Variants in ZNF804B observed in about 807,000 individuals in gnomAD.
ZNF804B encodes the protein zinc finger 804B.
In ZNF804B, 80 loss-of-function variants were observed where a neutral mutation model predicts 101.4. The ratio of observed to expected loss-of-function variants is 0.79; its 90% CI spans 0.66 to 0.95. ZNF804B has a LOEUF of 0.95. Ranked by LOEUF, ZNF804B falls within the 40% of genes least tolerant of loss-of-function variation. The probability of loss-of-function intolerance (pLI) is 0.00; values close to 1 mark genes in which losing one functional copy is unlikely to be tolerated. For synonymous variants in ZNF804B, 622 were observed against 558.8 expected, an observed-to-expected ratio of 1.11 and a Z score of -1.59; for missense variants, 1,673 against 1,561.9, an observed-to-expected ratio of 1.07 and a Z score of -1.20.
At chr7:89,037,546 A>G (rs1788946797) in intron 1 of ZNF804B, among the ~76,000 whole-genome samples, 1 of 151,278 alleles carries the variant, frequency 6.6e-6, no homozygotes, top group African/African-American at 2.4e-5. Context: ...ATATGTTTAT[A>G]GTGCACAATG....
At chr7:89,259,359 T>A (rs1265000930) in intron 2 of ZNF804B, among the ~76,000 whole-genome samples, 1 of 152,270 alleles carries the variant, frequency 6.6e-6, no homozygotes, top group Non-Finnish European at 1.5e-5. Context: ...ATCTCTTTTA[T>A]GATTTCCTTG....
intron 1 of ZNF804B, among the ~76,000 whole-genome samples, chr7:89,054,685 A>T (rs1016022925): frequency 4.6e-5 from 7 of 152,040 alleles, no homozygotes; most frequent in African/African-American, 1.7e-4. Flanking sequence ...TTCAACTGAC[A>T]TATTTACAGC....
intron 1 of ZNF804B, among the ~76,000 whole-genome samples, chr7:89,177,790 C>T (rs115355828): frequency 0.033 from 4,984 of 152,032 alleles, 152 homozygotes; most frequent in South Asian, 0.083. Flanking sequence ...GCGTTGCTCA[C>T]GCCTGTAATC....
At chr7:89,024,652 A>G (rs1287062707) in intron 1 of ZNF804B, among the ~76,000 whole-genome samples, 3 of 94,024 alleles carry the variant, frequency 3.2e-5, no homozygotes, top group Non-Finnish European at 6.0e-5. Flanking sequence ...AGAGAAGAGT[A>G]TCATTCTTGA....
At chr7:89,154,637 C>T (rs986257228) in intron 1 of ZNF804B, among the ~76,000 whole-genome samples, 3 of 152,040 alleles carry the variant, frequency 2.0e-5, no homozygotes, top group Non-Finnish European at 4.4e-5. Flanking sequence ...CATGTTCTCA[C>T]TTATTTGTAG....
At chr7:88,797,525 G>C (rs890880956) in intron 1 of ZNF804B, among the ~76,000 whole-genome samples, 4 of 152,146 alleles carry the variant, frequency 2.6e-5, no homozygotes, top group African/African-American at 9.7e-5. Flanking sequence ...CCAATTTCCA[G>C]TCATGGATTA....
chr7:89,129,613 C>T (rs974878454), intron 1 of ZNF804B, among the ~76,000 whole-genome samples: 7 of 152,018 alleles, frequency 4.6e-5, no homozygotes, highest in Admixed American at 2.6e-4. Flanking sequence ...ATGCCAGGCA[C>T]TCTGCTAAGA....
intron 1 of ZNF804B, among the ~76,000 whole-genome samples, chr7:88,817,900 C>T (rs1411886690): frequency 1.3e-5 from 2 of 152,106 alleles, no homozygotes; most frequent in Non-Finnish European, 2.9e-5. Context: ...GGATATTGTC[C>T]TCCTCTTTAT....
At chr7:88,992,213 G>A (rs767468149) in intron 1 of ZNF804B, among the ~76,000 whole-genome samples, 5 of 152,092 alleles carry the variant, frequency 3.3e-5, no homozygotes, top group Non-Finnish European at 7.4e-5. Context: ...GGCAGATTAT[G>A]TTGCTTTAAA....
chr7:89,136,528 T>C (rs1466430820), intron 1 of ZNF804B, among the ~76,000 whole-genome samples: 1 of 152,110 alleles, frequency 6.6e-6, no homozygotes, highest in Non-Finnish European at 1.5e-5. Context: ...CCCTGCCACC[T>C]TTCCCCCAGC....
chr7:89,142,582 G>A (rs1790733195), intron 1 of ZNF804B, among the ~76,000 whole-genome samples: 1 of 151,870 alleles, frequency 6.6e-6, no homozygotes, highest in Non-Finnish European at 1.5e-5. Context: ...AATTCTTGGA[G>A]TAAATTTTCA....
intron 1 of ZNF804B, among the ~76,000 whole-genome samples, chr7:88,812,209 T>G (rs1381711821): frequency 6.6e-6 from 1 of 152,200 alleles, no homozygotes; most frequent in Non-Finnish European, 1.5e-5. Context: ...AGATTGTCCT[T>G]CATCCATTCC....
intron 1 of ZNF804B, among the ~76,000 whole-genome samples, chr7:89,187,351 G>A (rs1788389597): frequency 2.0e-5 from 3 of 152,206 alleles, no homozygotes; most frequent in Admixed American, 6.5e-5. Context: ...TTGCAAATGG[G>A]AAAGTACATC....
At chr7:89,082,708 T>C (rs945428907) in intron 1 of ZNF804B, among the ~76,000 whole-genome samples, 7 of 151,764 alleles carry the variant, frequency 4.6e-5, no homozygotes, top group African/African-American at 1.7e-4. Flanking sequence ...ATGACTGATA[T>C]AAGTGGTTAA....
At chr7:89,156,404 T>A (rs571131637) in intron 1 of ZNF804B, among the ~76,000 whole-genome samples, 2 of 152,256 alleles carry the variant, frequency 1.3e-5, no homozygotes, top group Admixed American at 6.5e-5. Flanking sequence ...CCTGAGCCAC[T>A]GCACCTGGCC....
chr7:89,101,723 T>G lies in ZNF804B; in HGVS notation c.109-116432T>G, dbSNP rs528192867. Reference sequence around the variant, plus strand: ...TTATTTATGTATTCATTTATTTGTTTTAGATTCGGGGATACAAGTGCTTGT... The same window carrying G: ...TTATTTATGTATTCATTTATTTGTTGTAGATTCGGGGATACAAGTGCTTGT... On this transcript the variant is annotated intron_variant, in intron 1 of 3. Coordinates refer to ENST00000333190, the MANE Select transcript of ZNF804B (RefSeq NM_181646.5). Among the ~76,000 whole-genome samples, 79 of 152,100 alleles carry G rather than the reference T, an allele frequency of 5.2e-4. 1 individual carries two copies. Among genetic ancestry groups the G allele is most frequent in the African/African-American group, 1.9e-3 (77 of 41,554 alleles).
At chr7:88,764,824 G>T (rs1372962433) in intron 1 of ZNF804B, among the ~76,000 whole-genome samples, 1 of 152,110 alleles carries the variant, frequency 6.6e-6, no homozygotes, top group Admixed American at 6.5e-5. Context: ...CTCCTGTAGA[G>T]AAGTCACCTG....
chr7:89,074,689 A>T (rs1220201791), intron 1 of ZNF804B, among the ~76,000 whole-genome samples: 1 of 152,192 alleles, frequency 6.6e-6, no homozygotes, highest in Non-Finnish European at 1.5e-5. Flanking sequence ...TGCTCAAAAG[A>T]TACCTGAAAA....
rs1333449454 is a variant in ZNF804B, at chr7:88,792,485, C to T, written c.108+32401C>T. ...TATCCATTATTCTCTTACATATGCTCGTCTTCTCTCCCAAACCACTTTCAC... is the reference window on the plus strand; with the variant it reads ...TATCCATTATTCTCTTACATATGCTTGTCTTCTCTCCCAAACCACTTTCAC... On this transcript the variant is annotated intron_variant, in intron 1 of 3. Coordinates refer to ENST00000333190, the MANE Select transcript of ZNF804B (RefSeq NM_181646.5). 2.6e-5 allele frequency among the ~76,000 whole-genome samples: 4 copies of T among 152,202 alleles called. No homozygotes were observed. In the South Asian group the frequency reaches 6.2e-4, roughly 24 times the overall value.
Sources: gnomAD v4.1 joint callset for allele counts (sites outside exome capture counted in the v4.1 genomes callset) on GRCh38, gnomAD v4.1.1 for gene constraint, MANE v1.5 for transcripts, NCBI Gene and HGNC (gene_info 2026-07-23, HGNC 2026-07-21) for gene names.